The following PCMTD2 variants were observed in gnomAD, a reference collection of about 807,000 sequenced individuals.
PCMTD2 encodes the protein protein-L-isoaspartate O-methyltransferase domain-containing protein 2.
A neutral mutation model predicts 33.4 loss-of-function variants in PCMTD2; 16 were observed. The ratio of observed to expected loss-of-function variants is 0.48; its 90% confidence interval spans 0.32 to 0.73. The LOEUF (loss-of-function observed/expected upper bound fraction) is 0.73. PCMTD2 is among the 30% of genes least tolerant of loss of function. The pLI is 0.03. For synonymous variants in PCMTD2, 161 were observed against 160.8 expected, an observed-to-expected ratio of 1.00 and a Z score of -0.01; for missense variants, 374 against 449.9, an observed-to-expected ratio of 0.83 and a Z score of 1.53.
rs144264619 is a variant in PCMTD2, at chr20:64,273,362, G to T, written c.848G>T (p.Arg283Leu). Residue 283 changes from arginine (R) to leucine (L), a missense_variant, in exon 6 of 6, where the codon CGC becomes CTC. Arg to Leu is a moderately radical substitution (Grantham distance 102, BLOSUM62 -2). Transcript: ENST00000308824. ...NTPRFKRRRV[R>L]RRRMETIVFL... ...CCCAGGTTTAAACGAAGGAGAGTTC[G>T]CCGCCGTCGAATGGAAACGATTGTC... 6.2e-7 allele frequency: 1 copy of T among 1,614,012 alleles called. No homozygotes were observed. The highest frequency in any genetic ancestry group is 8.5e-7 in the Non-Finnish European group (1 of 1,179,992).
chr20:64,263,629 C>T (rs1387525342), intron 2 of PCMTD2, among the ~76,000 whole-genome samples: 1 of 152,184 alleles, frequency 6.6e-6, no homozygotes, highest in African/African-American at 2.4e-5. Flanking sequence ...TGGACTTTTA[C>T]ATATGCATCC....
Position 64,272,139 on chromosome 20 carries a change from C to T in PCMTD2, c.707-1082C>T, listed in dbSNP as rs1317065626. 8.0e-6 allele frequency: 3 copies of T among 376,588 alleles called. No individual in the cohort carries two copies. The East Asian group carries it at 2.1e-4, about 26-fold the overall frequency. 23.3% of individuals were successfully genotyped at this position (376,588 alleles called of 1,614,324 possible). A position where few individuals can be genotyped will look rare whatever the true frequency, so the allele number is the denominator to read the frequency against. On this transcript the variant is annotated intron_variant, in intron 5 of 5. Coordinates refer to ENST00000308824, the MANE Select transcript of PCMTD2 (RefSeq NM_018257.3). ...GGTTGAAGGGAGAAGGTGCTACTTA[C>T]TCACTACCAGGGGCCTGGGACACAA...
Position 64,264,466 on chromosome 20 carries a change from A to G in PCMTD2, c.345A>G (p.Ser115=), listed in dbSNP as rs770339089. The G allele has an allele frequency of 1.2e-6, 2 of 1,605,242 alleles. No homozygotes were observed. The highest frequency in any genetic ancestry group is 8.5e-7 in the Non-Finnish European group (1 of 1,171,966). ...FGVNHGVELH[S]DVIEYAKQKL... ...TGAACCATGGGGTGGAACTTCACTCAGATGTGATAGAGTATGCAAAGCAGA... is the reference window on the plus strand; with the variant it reads ...TGAACCATGGGGTGGAACTTCACTCGGATGTGATAGAGTATGCAAAGCAGA... The change falls in exon 3 of 6, where the codon TCA becomes TCG. Residue 115 remains serine (S), a synonymous_variant. Coordinates refer to ENST00000308824, the MANE Select transcript of PCMTD2 (RefSeq NM_018257.3).
At chr20:64,268,150 C>CCTTTCTGACTTTGAT in intron 5 of PCMTD2, 140 bp downstream of exon 5, 2 of 574,096 alleles carry the variant, frequency 3.5e-6, no homozygotes, top group Non-Finnish European at 6.1e-6. Flanking sequence ...ATTCTACAAG[C>CCTTTCTGACTTTGAT]AATTTCAGGC....
chr20:64,260,078 G>A lies in PCMTD2; in HGVS notation c.113G>A (p.Arg38His), dbSNP rs963271356. ...GAGCAGGCTTTCAGAGCTATCGATC[G>A]TGCAGACTATTATCTTGAAGAATTT... Reference protein sequence around the residue: ...LVEQAFRAIDRADYYLEEFKE... With the variant: ...LVEQAFRAIDHADYYLEEFKE... Residue 38 changes from arginine to histidine, a missense_variant, in exon 2 of 6, where the codon CGT (arginine) becomes CAT (histidine). Coordinates refer to ENST00000308824, the MANE Select transcript of PCMTD2 (RefSeq NM_018257.3). The A allele has an allele frequency of 6.2e-7, 1 of 1,612,202 alleles. No homozygotes were observed. Among genetic ancestry groups the A allele is most frequent in the Non-Finnish European group, 8.5e-7 (1 of 1,178,408 alleles).
chr20:64,258,283 C>G (rs140224868), intron 1 of PCMTD2, among the ~76,000 whole-genome samples: 1 of 152,090 alleles, frequency 6.6e-6, no homozygotes, highest in African/African-American at 2.4e-5. Context: ...GTGGCTTATC[C>G]AGGATTAAAG....
chr20:64,260,380 C>CT, intron 2 of PCMTD2, 108 bp downstream of exon 2: 1 of 732,908 alleles, frequency 1.4e-6, no homozygotes, highest in Non-Finnish European at 2.4e-6. Context: ...AGACCGCAGC[C>CT]TTCCCAGTAG....
chr20:64,269,217 CG>C (rs903442382), intron 5 of PCMTD2, among the ~76,000 whole-genome samples: 1 of 152,206 alleles, frequency 6.6e-6, no homozygotes, highest in African/African-American at 2.4e-5. Flanking sequence ...CTGTCAAATG[CG>C]TGCTCTGAAA....
rs141345734 is a variant in PCMTD2, at chr20:64,270,671, A to G, written c.707-2550A>G. Among the ~76,000 whole-genome samples, 174 of 151,874 alleles carry G rather than the reference A, an allele frequency of 1.1e-3. 2 individuals are homozygous for G. Among genetic ancestry groups the G allele is most frequent in the African/African-American group, 2.9e-3 (121 of 41,168 alleles). ...ATTTTCCAGGCGAGAGATAAAGATAAAAACTAAGACACTGGCTGCTACAGT... is the reference window on the plus strand; with the variant it reads ...ATTTTCCAGGCGAGAGATAAAGATAGAAACTAAGACACTGGCTGCTACAGT... On this transcript the variant is annotated intron_variant, in intron 5 of 5. Transcript: ENST00000308824.
chr20:64,259,929 T>G lies in PCMTD2; in HGVS notation c.-24-13T>G, dbSNP rs751824899. On this transcript the variant is annotated splice_polypyrimidine_tract_variant and intron_variant, in intron 1 of 5. Coordinates refer to ENST00000308824, the MANE Select transcript of PCMTD2 (RefSeq NM_018257.3). ...TAACATAAATCGCTCTTTTTAAACA[T>G]TTTTAATTATAGTATTGCCTAAGTG... 3 of 1,417,238 alleles carry G rather than the reference T, an allele frequency of 2.1e-6. No individual in the cohort carries two copies. The highest frequency in any genetic ancestry group is 3.0e-6 in the Non-Finnish European group (3 of 1,014,160). 87.8% of individuals were successfully genotyped at this position (1,417,238 alleles called of 1,614,324 possible). A position where few individuals can be genotyped will look rare whatever the true frequency, so the allele number is the denominator to read the frequency against.
intron 3 of PCMTD2, 23 bp from the exon 4 acceptor site, chr20:64,265,235 C>T (rs1277102338): frequency 6.4e-7 from 1 of 1,571,102 alleles, no homozygotes; most frequent in Non-Finnish European, 8.6e-7. Context: ...CTTTTAGTTG[C>T]AGGAAGCATT....
At chr20:64,273,113 C>T (rs1291738131) in intron 5 of PCMTD2, 108 bp from the exon 6 acceptor site, 11 of 850,700 alleles carry the variant, frequency 1.3e-5, no homozygotes, top group Non-Finnish European at 2.0e-5. Context: ...GTAACATATT[C>T]ATAAATTTGC....
chr20:64,259,785 G>A lies in PCMTD2; in HGVS notation c.-24-157G>A, dbSNP rs982239548. 1.5e-5 allele frequency: 8 copies of A among 543,970 alleles called. No individual in the cohort carries two copies. The African/African-American group carries it at 1.5e-4, about 10-fold the overall frequency. 33.7% of individuals were successfully genotyped at this position (543,970 alleles called of 1,614,324 possible). ...GGGATTTTTTTTCCTTCTAAATCTG[G>A]CATCTCTGGGTGGGGCAGGGGATGA... On this transcript the variant is annotated intron_variant, in intron 1 of 5. Coordinates refer to ENST00000308824, the MANE Select transcript of PCMTD2 (RefSeq NM_018257.3).
At chr20:64,260,706 G>GT (rs10585176) in intron 2 of PCMTD2, among the ~76,000 whole-genome samples, 9,665 of 117,586 alleles carry the variant, frequency 0.082, 543 homozygotes, top group East Asian at 0.16. Context: ...TGTTTTGTTG[G>GT]TTTTTTTTTT....
intron 5 of PCMTD2, 98 bp downstream of exon 5, chr20:64,268,108 A>T: frequency 1.4e-6 from 1 of 732,650 alleles, no homozygotes; most frequent in Non-Finnish European, 2.1e-6. Context: ...TTTTGATATT[A>T]AAAAGCACCA....
intron 4 of PCMTD2, among the ~76,000 whole-genome samples, chr20:64,266,338 A>G (rs1044718437): frequency 6.6e-6 from 1 of 152,050 alleles, no homozygotes; most frequent in African/African-American, 2.4e-5. Flanking sequence ...GCTTAGTGCA[A>G]CCTCTGCCTC....
chr20:64,258,662 G>A (rs190521105), intron 1 of PCMTD2: 1 of 152,178 alleles, frequency 6.6e-6, no homozygotes, highest in Non-Finnish European at 1.5e-5. Context: ...ATTTCTTTAC[G>A]ATCCTCATTC....
chr20:64,273,176 G>A (rs1272737708), intron 5 of PCMTD2, 45 bp from the exon 6 acceptor site: 3 of 1,551,264 alleles, frequency 1.9e-6, no homozygotes, highest in Non-Finnish European at 2.6e-6. Context: ...TTGTGGTGGT[G>A]TCACTCCGAT....
chr20:64,270,739 G>A (rs949461414), intron 5 of PCMTD2, among the ~76,000 whole-genome samples: 14 of 150,350 alleles, frequency 9.3e-5, no homozygotes, highest in African/African-American at 3.5e-4. Flanking sequence ...GTCCTTCTGA[G>A]GAAGGGCACG....
Sources: allele counts gnomAD v4.1 joint callset (sites outside exome capture counted in the v4.1 genomes callset), GRCh38; gene constraint gnomAD v4.1.1; transcripts MANE v1.5; gene names NCBI Gene and HGNC (gene_info 2026-07-23, HGNC 2026-07-21).